AFF3: variants seen among roughly 807,000 people sequenced by gnomAD.
AFF3 encodes ALF transcription elongation factor 3.
In AFF3, 32 loss-of-function variants were observed where a neutral mutation model predicts 129.7. The ratio of observed to expected loss-of-function variants is 0.25; its 90% CI spans 0.19 to 0.33. The LOEUF is 0.33. AFF3 is among the 10% of genes least tolerant of loss of function. AFF3 has a pLI of 1.00. For missense variants in AFF3, 1,373 were observed against 1,592.0 expected (o/e 0.86, Z 2.34); for synonymous variants, 644 against 635.4 (o/e 1.01, Z -0.20).
intron 7 of AFF3, among the ~76,000 whole-genome samples, chr2:99,972,193 C>T (rs1280715492): frequency 6.6e-6 from 1 of 152,184 alleles, no homozygotes. Flanking sequence ...TAGTCTACTA[C>T]AGAAATCAAA....
At chr2:99,951,640 A>G (rs780265330) in intron 7 of AFF3, among the ~76,000 whole-genome samples, 1 of 152,100 alleles carries the variant, frequency 6.6e-6, no homozygotes, top group African/African-American at 2.4e-5. Flanking sequence ...TCATATTACA[A>G]TACCTTTTTA....
At chr2:99,889,961 GAA>G (rs762577408) in intron 7 of AFF3, among the ~76,000 whole-genome samples, 58 of 152,192 alleles carry the variant, frequency 3.8e-4, no homozygotes, top group Non-Finnish European at 6.3e-4. Flanking sequence ...CATCCAGCCT[GAA>G]AGTTAGACTT....
Position 99,879,711 on chromosome 2 carries a change from T to A in AFF3, c.874-42187A>T, listed in dbSNP as rs1208520684. 2.0e-5 allele frequency among the ~76,000 whole-genome samples: 3 copies of A among 152,192 alleles called. No homozygotes were observed. The South Asian group carries it at 6.2e-4, about 32-fold the overall frequency. Reference sequence around the variant, plus strand: ...GTGGCCAAGTTCACAAACCATCACATCTTGCCAACGTGCCCAAGGACCATA... The same window carrying A: ...GTGGCCAAGTTCACAAACCATCACAACTTGCCAACGTGCCCAAGGACCATA... On this transcript the variant is annotated intron_variant, in intron 7 of 24. Transcript: ENST00000672756.
At position 99,600,078 on chromosome 2, in the gene AFF3, T is replaced by C. The variant is rs1418014303; in HGVS notation, c.1371+1357A>G. 7.2e-5 allele frequency among the ~76,000 whole-genome samples: 11 copies of C among 152,222 alleles called. No homozygotes were observed. In the East Asian group the frequency reaches 2.1e-3, roughly 29 times the overall value. On this transcript the variant is annotated intron_variant, in intron 14 of 24. Transcript: ENST00000672756. ...TAGTTTCTGGGAAAAGCCAGGGTTATGTTACCATAAGGCTTTCATAGGTTA... is the reference window on the plus strand; with the variant it reads ...TAGTTTCTGGGAAAAGCCAGGGTTACGTTACCATAAGGCTTTCATAGGTTA...
chr2:99,752,168 A>G, intron 9 of AFF3, 53 bp downstream of exon 9: 1 of 1,488,752 alleles, frequency 6.7e-7, no homozygotes, highest in Non-Finnish European at 9.4e-7. Context: ...ACTGCCCACT[A>G]GAAATGCCTG....
chr2:99,789,446 CAAAA>C (rs34653301), intron 8 of AFF3, among the ~76,000 whole-genome samples: 1 of 62,050 alleles, frequency 1.6e-5, no homozygotes, highest in Admixed American at 2.3e-4. Flanking sequence ...GCCCTGTCAC[CAAAA>C]AAAAAAAAAA....
intron 11 of AFF3, among the ~76,000 whole-genome samples, chr2:99,710,541 C>G (rs1677800811): frequency 6.6e-6 from 1 of 152,200 alleles, no homozygotes; most frequent in South Asian, 2.1e-4. Flanking sequence ...GGCACTGTGC[C>G]TGGCCAGTAT....
chr2:99,930,541 C>T (rs1696597774), intron 7 of AFF3, among the ~76,000 whole-genome samples: 1 of 152,178 alleles, frequency 6.6e-6, no homozygotes, highest in Admixed American at 6.5e-5. Flanking sequence ...CTTTTTCTCT[C>T]TCTCCTCTTT....
chr2:99,851,832 C>A (rs1481451951), intron 7 of AFF3, among the ~76,000 whole-genome samples: 3 of 152,156 alleles, frequency 2.0e-5, no homozygotes, highest in Non-Finnish European at 2.9e-5. Flanking sequence ...CAACACTTCA[C>A]AATAATTAGA....
At chr2:99,745,099 C>A (rs1053174392) in intron 9 of AFF3, among the ~76,000 whole-genome samples, 2 of 152,104 alleles carry the variant, frequency 1.3e-5, no homozygotes, top group African/African-American at 4.8e-5. Context: ...TATCTCACTG[C>A]AGTTTTGATT....
At chr2:99,880,130 C>T (rs1692601869) in intron 7 of AFF3, among the ~76,000 whole-genome samples, 1 of 152,148 alleles carries the variant, frequency 6.6e-6, no homozygotes, top group African/African-American at 2.4e-5. Context: ...AAGGATTCAT[C>T]TTTGAATTCT....
intron 12 of AFF3, among the ~76,000 whole-genome samples, chr2:99,671,849 G>C (rs889816300): frequency 6.6e-6 from 1 of 152,134 alleles, no homozygotes; most frequent in Non-Finnish European, 1.5e-5. Flanking sequence ...TTCTTGAAAT[G>C]CAGAAGTGAA....
At chr2:99,780,088 C>T (rs1462448797) in intron 8 of AFF3, among the ~76,000 whole-genome samples, 6 of 152,200 alleles carry the variant, frequency 3.9e-5, no homozygotes, top group African/African-American at 1.2e-4. Flanking sequence ...GTTCTGATCA[C>T]TGTAGGAGGA....
intron 2 of AFF3, among the ~76,000 whole-genome samples, chr2:100,108,126 A>C (rs764764505): frequency 1.4e-5 from 2 of 142,516 alleles, no homozygotes; most frequent in Non-Finnish European, 3.2e-5. Context: ...CTGCAGACGC[A>C]TGACTCCATC....
In AFF3 at chr2:99,846,133, A is replaced by C. The variant is rs115189406; in HGVS notation, c.874-8609T>G. Among the ~76,000 whole-genome samples the C allele has an allele frequency of 7.3e-3, 1,092 of 149,702 alleles. 3 individuals are homozygous for C. The highest frequency in any genetic ancestry group is 0.026 in the Middle Eastern group (7 of 270). ...AGGCGTGAGCCACCATACTCAGCCT[A>C]TGTATTTACTTTTGAGACGGAGTTT... On this transcript the variant is annotated intron_variant, in intron 7 of 24. Coordinates refer to ENST00000672756, the MANE Select transcript of AFF3 (RefSeq NM_001386135.1).
At chr2:99,654,458 C>A (rs1013734885) in intron 12 of AFF3, among the ~76,000 whole-genome samples, 1 of 151,868 alleles carries the variant, frequency 6.6e-6, no homozygotes, top group Non-Finnish European at 1.5e-5. Flanking sequence ...AATAATGAAA[C>A]GAATAAATAT....
intron 10 of AFF3, among the ~76,000 whole-genome samples, chr2:99,732,777 A>G (rs533205624): frequency 6.6e-6 from 1 of 152,316 alleles, no homozygotes; most frequent in South Asian, 2.1e-4. Context: ...CAGGGAATCC[A>G]AAACTGATTT....
At chr2:99,881,779 G>T (rs1692738736) in intron 7 of AFF3, among the ~76,000 whole-genome samples, 2 of 152,148 alleles carry the variant, frequency 1.3e-5, no homozygotes, top group African/African-American at 4.8e-5. Flanking sequence ...ATGCATTAAT[G>T]GCTAAGCAAA....
At chr2:100,122,130 A>G (rs1692006366) in intron 2 of AFF3, among the ~76,000 whole-genome samples, 1 of 152,242 alleles carries the variant, frequency 6.6e-6, no homozygotes, top group East Asian at 1.9e-4. Flanking sequence ...AAGTTGGGGA[A>G]ATTAATGTTT....
Sources: gnomAD v4.1 joint callset for allele counts (sites outside exome capture counted in the v4.1 genomes callset) on GRCh38, gnomAD v4.1.1 for gene constraint, MANE v1.5 for transcripts, NCBI Gene and HGNC (gene_info 2026-07-23, HGNC 2026-07-21) for gene names.